Variants in TBXAS1 observed in about 807,000 individuals in gnomAD.
TBXAS1 encodes the protein thromboxane A synthase 1, also known as thromboxane-A synthase.
In TBXAS1, 48 loss-of-function variants were observed where a neutral mutation model predicts 60.7. The observed-to-expected ratio is 0.79, with a 90% CI of 0.63 to 1.01. The LOEUF is 1.01. TBXAS1 is among the 50% of genes least tolerant of loss of function. The pLI, the probability that TBXAS1 is intolerant of heterozygous loss-of-function variation, is 0.00. For missense variants in TBXAS1, 685 were observed against 686.3 expected, an observed-to-expected ratio of 1.00 and a Z score of 0.02; for synonymous variants, 287 against 269.7, an observed-to-expected ratio of 1.06 and a Z score of -0.63.
intron 9 of TBXAS1, among the ~76,000 whole-genome samples, chr7:139,984,743 AAAAG>A (rs1812268875): frequency 7.1e-6 from 1 of 140,522 alleles, no homozygotes; most frequent in African/African-American, 2.6e-5. Flanking sequence ...AGAAAGAAGA[AAAAG>A]AAAAGAAAGA....
intron 3 of TBXAS1, among the ~76,000 whole-genome samples, chr7:139,883,896 T>A (rs1020090322): frequency 3.3e-5 from 5 of 152,212 alleles, no homozygotes; most frequent in African/African-American, 1.2e-4. Flanking sequence ...CTGTAAAAAA[T>A]AAAACATTTA....
intron 9 of TBXAS1, among the ~76,000 whole-genome samples, chr7:140,003,722 GT>G (rs1288737197): frequency 6.6e-6 from 1 of 152,198 alleles, no homozygotes; most frequent in East Asian, 1.9e-4. Context: ...TCCAGATCCA[GT>G]TTTTCTTTTT....
chr7:139,947,372 C>T (rs1808808765), intron 5 of TBXAS1, among the ~76,000 whole-genome samples: 1 of 152,054 alleles, frequency 6.6e-6, no homozygotes, highest in Non-Finnish European at 1.5e-5. Context: ...AATGAGAACA[C>T]ATGCGCATAA....
chr7:139,781,570 G>A (rs1004252981), intron 2 of TBXAS1, among the ~76,000 whole-genome samples: 1 of 152,130 alleles, frequency 6.6e-6, no homozygotes, highest in African/African-American at 2.4e-5. Flanking sequence ...TGTGGCTCAC[G>A]CCTGTAATCC....
chr7:139,823,660 C>G lies in TBXAS1; in HGVS notation c.-79-5652C>G, dbSNP rs1798360806. On this transcript the variant is annotated intron_variant, in intron 4 of 16. Transcript: ENST00000336425. ...GCTGGCTCGGTGAACTATGAGTATT[C>G]TAAACCAAGATGTGATCTTAGATTT... 3.9e-5 allele frequency among the ~76,000 whole-genome samples: 6 copies of G among 152,240 alleles called. No homozygotes were observed. The South Asian group carries it at 1.0e-3, about 26-fold the overall frequency.
chr7:139,906,135 A>G (rs905737354), intron 3 of TBXAS1: 2 of 379,338 alleles, frequency 5.3e-6, no homozygotes, highest in Non-Finnish European at 1.0e-5. Flanking sequence ...GGATCACTGC[A>G]ACCTCCACCT....
chr7:139,881,013 C>T (rs117738330), intron 3 of TBXAS1, among the ~76,000 whole-genome samples: 58 of 152,228 alleles, frequency 3.8e-4, no homozygotes, highest in Admixed American at 7.2e-4. Flanking sequence ...GCTGCAGTTT[C>T]GATGTGCATT....
chr7:139,806,709 T>G (rs971127053), intron 4 of TBXAS1, among the ~76,000 whole-genome samples: 3 of 152,176 alleles, frequency 2.0e-5, no homozygotes, highest in African/African-American at 4.8e-5. Flanking sequence ...TGCCTGCCAT[T>G]CTGCTTCATT....
At chr7:139,940,030 G>T (rs1442375309) in intron 5 of TBXAS1, among the ~76,000 whole-genome samples, 1 of 152,236 alleles carries the variant, frequency 6.6e-6, no homozygotes, top group Non-Finnish European at 1.5e-5. Context: ...GCTCCTGAAG[G>T]TGCCTCTGAG....
At chr7:139,995,385 G>T (rs374070718) in intron 9 of TBXAS1, among the ~76,000 whole-genome samples, 1 of 152,138 alleles carries the variant, frequency 6.6e-6, no homozygotes, top group Non-Finnish European at 1.5e-5. Context: ...TGCAGGAGGG[G>T]TGTGCGGAGG....
rs199693199 is a variant in TBXAS1, at chr7:139,921,536, C to CA, written c.333+10224dup. Among the ~76,000 whole-genome samples, 165 of 151,558 alleles carry CA rather than the reference C, an allele frequency of 1.1e-3. 1 individual carries two copies. Among genetic ancestry groups the CA allele is most frequent in the African/African-American group, 3.3e-3 (135 of 41,356 alleles). The stretch of plus-strand genomic sequence containing the variant: ...CAACAAAGTGAGACCCCTGTCTCTA[C>CA]AAAAAAAAATTTTTAAATTAGCCAG... On this transcript the variant is annotated intron_variant, in intron 4 of 12. Transcript: ENST00000448866.
At chr7:139,867,718 G>A (rs1414899930) in intron 1 of TBXAS1, among the ~76,000 whole-genome samples, 1 of 152,174 alleles carries the variant, frequency 6.6e-6, no homozygotes, top group African/African-American at 2.4e-5. Flanking sequence ...TCAGGAGGCT[G>A]AGGCAGGAGA....
At chr7:139,924,184 G>T (rs1806706518) in intron 4 of TBXAS1, among the ~76,000 whole-genome samples, 1 of 152,094 alleles carries the variant, frequency 6.6e-6, no homozygotes, top group Non-Finnish European at 1.5e-5. Flanking sequence ...GGATCATATG[G>T]TAGCTCTATT....
At position 139,957,624 on chromosome 7, in the gene TBXAS1, C is replaced by A. The variant is rs759148708; in HGVS notation, c.689-10C>A. The A allele has an allele frequency of 6.2e-7, 1 of 1,614,074 alleles. No individual in the cohort carries two copies. The highest frequency in any genetic ancestry group is 8.5e-7 in the Non-Finnish European group (1 of 1,179,994). ...CCTTTTCAATGCCACTTTTGTTTTT[C>A]TCTTTCAAGTATCATTTCCATCCAT... On this transcript the variant is annotated splice_polypyrimidine_tract_variant and intron_variant, in intron 7 of 12. Transcript: ENST00000448866.
intron 1 of TBXAS1, among the ~76,000 whole-genome samples, chr7:139,838,655 CA>C (rs1367278909): frequency 1.3e-5 from 2 of 151,852 alleles, no homozygotes; most frequent in African/African-American, 2.4e-5. Context: ...GGAAAAAAGA[CA>C]AAAAAAATCT....
intron 3 of TBXAS1, among the ~76,000 whole-genome samples, chr7:139,784,002 G>GTT (rs1164338968): frequency 1.0e-5 from 1 of 98,818 alleles, no homozygotes. Flanking sequence ...TGCTTGTTTA[G>GTT]TTTTTTTTGT....
At chr7:140,019,330 G>C (rs1408457484) in intron 12 of TBXAS1, among the ~76,000 whole-genome samples, 1 of 152,156 alleles carries the variant, frequency 6.6e-6, no homozygotes, top group Non-Finnish European at 1.5e-5. Context: ...CACTGCATCG[G>C]GGCTTCCACG....
intron 3 of TBXAS1, among the ~76,000 whole-genome samples, chr7:139,907,592 C>G (rs1419408007): frequency 6.6e-6 from 1 of 151,516 alleles, no homozygotes; most frequent in African/African-American, 2.4e-5. Flanking sequence ...AGTGTTAATT[C>G]TTCTTTTAAT....
intron 1 of TBXAS1, among the ~76,000 whole-genome samples, chr7:139,864,509 AAATT>A (rs1364370341): frequency 2.6e-5 from 4 of 152,184 alleles, no homozygotes; most frequent in Non-Finnish European, 5.9e-5. Context: ...ACTAATTCTA[AAATT>A]AATATGAAAA....
Sources: gnomAD v4.1 joint callset for allele counts (sites outside exome capture counted in the v4.1 genomes callset) on GRCh38, gnomAD v4.1.1 for gene constraint, MANE v1.5 for transcripts, NCBI Gene and HGNC (gene_info 2026-07-23, HGNC 2026-07-21) for gene names.